The following BMPR1B variants were observed in gnomAD, a reference collection of about 807,000 sequenced individuals.
The protein encoded by BMPR1B is bone morphogenetic protein receptor type-1B.
In BMPR1B, 12 loss-of-function variants were observed where a neutral mutation model predicts 59.1. That is an observed-to-expected ratio of 0.20 (90% confidence interval 0.13 to 0.33). BMPR1B has a LOEUF of 0.33. Among genes scored for constraint, BMPR1B ranks in the 10% least tolerant of loss-of-function variants. The pLI, the probability that BMPR1B is intolerant of heterozygous loss-of-function variation, is 1.00. For missense variants in BMPR1B, 550 were observed against 610.9 expected (o/e 0.90, Z 1.05); for synonymous variants, 237 against 207.3 (o/e 1.14, Z -1.23).
intron 1 of BMPR1B, among the ~76,000 whole-genome samples, chr4:94,845,154 G>A (rs11097445): frequency 0.61 from 93,145 of 151,716 alleles, 29,586 homozygotes; most frequent in African/African-American, 0.78. Flanking sequence ...GAAATATTTC[G>A]TAGAGGTTTT....
At chr4:94,895,379 G>C (rs983628384) in intron 2 of BMPR1B, among the ~76,000 whole-genome samples, 3 of 151,822 alleles carry the variant, frequency 2.0e-5, no homozygotes, top group Admixed American at 6.6e-5. Flanking sequence ...TATAATCTAT[G>C]AGAAAATGGA....
chr4:95,130,077 A>G (rs540829978), intron 9 of BMPR1B, 23 bp downstream of exon 9: 16 of 1,608,868 alleles, frequency 9.9e-6, no homozygotes, highest in African/African-American at 1.3e-5. Flanking sequence ...CTGCATAGCT[A>G]TGTTCAGGGT....
chr4:95,094,086 A>T (rs964316878), intron 3 of BMPR1B, among the ~76,000 whole-genome samples: 1 of 151,916 alleles, frequency 6.6e-6, no homozygotes, highest in African/African-American at 2.4e-5. Context: ...TATGTAGTTG[A>T]TTTGTCTCAC....
At chr4:94,790,224 C>T (rs1301425268) in intron 1 of BMPR1B, among the ~76,000 whole-genome samples, 2 of 152,030 alleles carry the variant, frequency 1.3e-5, no homozygotes, top group Non-Finnish European at 2.9e-5. Flanking sequence ...GTGCCTCTAA[C>T]CCCCGCATTG....
At chr4:95,000,065 A>G (rs961317153) in intron 3 of BMPR1B, among the ~76,000 whole-genome samples, 36 of 152,190 alleles carry the variant, frequency 2.4e-4, no homozygotes, top group African/African-American at 8.7e-4. Flanking sequence ...TTATATATGA[A>G]ATATTGTATA....
intron 3 of BMPR1B, among the ~76,000 whole-genome samples, chr4:95,038,671 T>C (rs989932104): frequency 6.6e-6 from 1 of 152,224 alleles, no homozygotes; most frequent in African/African-American, 2.4e-5. Flanking sequence ...TAAAAATACG[T>C]TTAAAGAAAA....
intron 2 of BMPR1B, among the ~76,000 whole-genome samples, chr4:94,914,074 G>A (rs1005213461): frequency 6.6e-6 from 1 of 152,050 alleles, no homozygotes; most frequent in Non-Finnish European, 1.5e-5. Flanking sequence ...CACCTATAGA[G>A]GTTTATTTCA....
At chr4:94,953,581 G>C (rs1325616970) in intron 2 of BMPR1B, among the ~76,000 whole-genome samples, 1 of 151,538 alleles carries the variant, frequency 6.6e-6, no homozygotes, top group African/African-American at 2.4e-5. Flanking sequence ...TTGAATATTG[G>C]CCCCCACTCT....
At chr4:94,972,791 T>C in intron 2 of BMPR1B, among the ~76,000 whole-genome samples, 1 of 152,194 alleles carries the variant, frequency 6.6e-6, no homozygotes, top group Admixed American at 6.5e-5. Flanking sequence ...ATAGAGATAA[T>C]GCTGGCCTTA....
At chr4:95,142,945 T>C (rs925440591) in intron 10 of BMPR1B, among the ~76,000 whole-genome samples, 1 of 151,958 alleles carries the variant, frequency 6.6e-6, no homozygotes, top group African/African-American at 2.4e-5. Context: ...TTTAAAAAAC[T>C]CCCCCTTACT....
chr4:94,779,552 C>T (rs189836842), intron 1 of BMPR1B, among the ~76,000 whole-genome samples: 13 of 152,196 alleles, frequency 8.5e-5, no homozygotes, highest in South Asian at 2.1e-4. Context: ...TGTTCTTGGA[C>T]GGGTGCGGTG....
chr4:94,987,414 C>T (rs992020121), intron 2 of BMPR1B, among the ~76,000 whole-genome samples: 33 of 151,556 alleles, frequency 2.2e-4, no homozygotes, highest in Admixed American at 2.1e-3. Context: ...TTCCTGTTTT[C>T]ACTGCCTAAA....
intron 1 of BMPR1B, among the ~76,000 whole-genome samples, chr4:94,816,784 A>G (rs556618426): frequency 2.6e-5 from 4 of 152,356 alleles, no homozygotes; most frequent in Admixed American, 2.6e-4. Flanking sequence ...GAAATGGTCC[A>G]GGCTCATCCA....
At chr4:94,764,255 G>A (rs1489546478) in intron 1 of BMPR1B, among the ~76,000 whole-genome samples, 1 of 152,126 alleles carries the variant, frequency 6.6e-6, no homozygotes, top group Non-Finnish European at 1.5e-5. Context: ...TAGGTCACTG[G>A]GGAGCCACAG....
intron 1 of BMPR1B, among the ~76,000 whole-genome samples, chr4:94,822,586 A>G (rs989568034): frequency 1.3e-5 from 2 of 152,178 alleles, no homozygotes; most frequent in Non-Finnish European, 2.9e-5. Flanking sequence ...CCTTCTCTTA[A>G]GATGAGACTT....
chr4:95,056,431 AT>A (rs1214154200), intron 3 of BMPR1B, among the ~76,000 whole-genome samples: 1 of 152,126 alleles, frequency 6.6e-6, no homozygotes, highest in Non-Finnish European at 1.5e-5. Flanking sequence ...AAATCATAGT[AT>A]TGATATTTTG....
At chr4:94,997,982 G>C (rs543342167) in intron 3 of BMPR1B, among the ~76,000 whole-genome samples, 1 of 152,162 alleles carries the variant, frequency 6.6e-6, no homozygotes, top group South Asian at 2.1e-4. Flanking sequence ...CAGAAAACAA[G>C]GCAAGCAAAT....
intron 3 of BMPR1B, among the ~76,000 whole-genome samples, chr4:95,092,536 A>AT (rs1274863184): frequency 6.6e-6 from 1 of 152,122 alleles, no homozygotes; most frequent in Non-Finnish European, 1.5e-5. Flanking sequence ...ATAATAGTTG[A>AT]TAATAGTGTT....
rs1000458894 is a variant in BMPR1B, at chr4:95,113,496, C to A, written c.144-1224C>A. Among the ~76,000 whole-genome samples, 4 of 152,274 alleles carry A rather than the reference C, an allele frequency of 2.6e-5. No individual in the cohort carries two copies. The East Asian group carries it at 7.7e-4, about 29-fold the overall frequency. ...CAAACCCACAAATCATGGCTAGTAT[C>A]GTTCTCAGAGCTTTATTCCCATGAC... On this transcript the variant is annotated intron_variant, in intron 4 of 12. Transcript: ENST00000515059.
Sources: gnomAD v4.1 joint callset for allele counts (sites outside exome capture counted in the v4.1 genomes callset) on GRCh38, gnomAD v4.1.1 for gene constraint, MANE v1.5 for transcripts, NCBI Gene and HGNC (gene_info 2026-07-23, HGNC 2026-07-21) for gene names.